The following SLC22A17 variants were observed in gnomAD, a reference collection of about 807,000 sequenced individuals.
SLC22A17 encodes 24p3 receptor.
SLC22A17 carries 38 observed loss-of-function variants against 53.6 expected under a neutral mutation model. The observed-to-expected ratio is 0.71, with a 90% CI of 0.55 to 0.93. The LOEUF (loss-of-function observed/expected upper bound fraction) is 0.93, where lower values mean the gene tolerates loss of function less well. Ranked by LOEUF, SLC22A17 falls within the 40% of genes least tolerant of loss-of-function variation. SLC22A17 has a pLI of 0.00. For synonymous variants in SLC22A17, 379 were observed against 353.0 expected, an observed-to-expected ratio of 1.07 and a Z score of -0.82; for missense variants, 704 against 791.0, an observed-to-expected ratio of 0.89 and a Z score of 1.32.
chr14:23,346,564 C>T (rs989467735), exon 10 of SLC22A17: 4 of 1,412,058 alleles, frequency 2.8e-6, no homozygotes, highest in Non-Finnish European at 3.7e-6. Flanking sequence ...TTCTGGGCAG[C>T]CCTGCCTTCC....
chr14:23,348,137 C>T lies in SLC22A17; in HGVS notation c.1171+24G>A. ...CATCATGTGTGCAAGTGAGGCAACACTCACAGGGATCCCTGTCTCTTACCC... is the reference window on the plus strand; with the variant it reads ...CATCATGTGTGCAAGTGAGGCAACATTCACAGGGATCCCTGTCTCTTACCC... On this transcript the variant is annotated intron_variant, in intron 6 of 9. Transcript: ENST00000397267. This position sits in a 1 kb window ranked among gnomAD's most constrained non-coding sequence, Gnocchi z 4.5. 6.2e-7 allele frequency: 1 copy of T among 1,613,516 alleles called. No homozygotes were observed. Among genetic ancestry groups the T allele is most frequent in the Non-Finnish European group, 8.5e-7 (1 of 1,179,756 alleles).
chr14:23,351,783 C>T (rs1475156845), exon 3 of SLC22A17: 4 of 1,613,654 alleles, frequency 2.5e-6, no homozygotes, highest in East Asian at 2.2e-5. Flanking sequence ...AACAGGTAGC[C>T]GGAGGCAAAG....
rs563336719 is a variant in SLC22A17 at position 23,348,323 on chromosome 14, A to G, written c.1026-17T>C. ...CCAGGCCAGCTGGGGGCAGGGGGGA[A>G]GGGGTATACTGTGAGGCCTCCCTTC... On this transcript the variant is annotated splice_polypyrimidine_tract_variant and intron_variant, in intron 5 of 9. Coordinates refer to ENST00000397267, the Ensembl canonical transcript of SLC22A17. The surrounding 1 kb of genome is among the most constrained non-coding windows in gnomAD (Gnocchi z 4.5). 2 of 1,613,406 alleles carry G rather than the reference A, an allele frequency of 1.2e-6. No homozygotes were observed. Among genetic ancestry groups the G allele is most frequent in the East Asian group, 2.2e-5 (1 of 44,870 alleles).
Position 23,347,634 on chromosome 14 carries a change from C to A in SLC22A17, c.1375G>T (p.Ala459Ser). 3 of 1,613,952 alleles carry A rather than the reference C, an allele frequency of 1.9e-6. No homozygotes were observed. The highest frequency in any genetic ancestry group is 1.7e-6 in the Non-Finnish European group (2 of 1,179,998). Residue 459 changes from alanine (A) to serine (S), a missense_variant, in exon 8 of 10, where the codon GCA becomes TCA. Physicochemically the swap from Ala to Ser is moderately conservative, Grantham distance 99. Transcript: ENST00000397267. This position sits in a 1 kb window ranked among gnomAD's most constrained non-coding sequence, Gnocchi z 5.1. ...CCCAGGAAGACACAGGCCAGGGCTGCGGTGCCGCTGGCCAGCAGAGAGCAC... is the reference window on the plus strand; with the variant it reads ...CCCAGGAAGACACAGGCCAGGGCTGAGGTGCCGCTGGCCAGCAGAGAGCAC...
At position 23,348,893 on chromosome 14, in the gene SLC22A17, G is replaced by C; in HGVS notation, c.860-222C>G. On this transcript the variant is annotated intron_variant, in intron 4 of 9. Transcript: ENST00000397267. The surrounding 1 kb of genome is among the most constrained non-coding windows in gnomAD (Gnocchi z 4.5). ...CAAACCTAGGAGGGCTCTAGGGCCAGAGTCCTGGGTGAGTGTTCAACATTT... is the reference window on the plus strand; with the variant it reads ...CAAACCTAGGAGGGCTCTAGGGCCACAGTCCTGGGTGAGTGTTCAACATTT... 1 of 605,414 alleles carries C rather than the reference G, an allele frequency of 1.7e-6. No individual in the cohort carries two copies. The highest frequency in any genetic ancestry group is 2.9e-6 in the Non-Finnish European group (1 of 345,182). The allele number at this position is 605,414 out of a possible 1,614,324, so 37.5% of individuals were successfully genotyped here. A position where few individuals can be genotyped will look rare whatever the true frequency, so the allele number is the denominator to read the frequency against.
Position 23,348,281 on chromosome 14 carries a change from C to T in SLC22A17, c.1051G>A (p.Ala351Thr), listed in dbSNP as rs138982413. The change falls in exon 6 of 10, where the codon GCA becomes ACA. Residue 351 changes from alanine to threonine, a missense_variant. Transcript: ENST00000397267. This position sits in a 1 kb window ranked among gnomAD's most constrained non-coding sequence, Gnocchi z 4.5. ...TGCCGCTTCACTATCAGCCACCGTGCGGACTCCAGGAACAAACCAGGCCAG... is the reference window on the plus strand; with the variant it reads ...TGCCGCTTCACTATCAGCCACCGTGTGGACTCCAGGAACAAACCAGGCCAG... 1.5e-5 allele frequency: 25 copies of T among 1,613,940 alleles called. No individual in the cohort carries two copies. The highest frequency in any genetic ancestry group is 2.7e-5 in the African/African-American group (2 of 74,910).
chr14:23,351,190 A>G (rs963703591), intron 3 of SLC22A17: 7 of 152,586 alleles, frequency 4.6e-5, no homozygotes, highest in African/African-American at 1.7e-4. Flanking sequence ...CTGCTAATCT[A>G]TGGGCTATTC....
chr14:23,352,825 CA>C lies in SLC22A17; in HGVS notation c.-85del, dbSNP rs1393901899. On this transcript the variant is annotated 5_prime_UTR_variant, in exon 1 of 10. Transcript: ENST00000397267. This position sits in a 1 kb window ranked among gnomAD's most constrained non-coding sequence, Gnocchi z 7.2. The stretch of plus-strand genomic sequence containing the variant: ...CAGTTGCGCGCCGGCTGCCCGGACA[CA>C]GACAGCTCGAAGAGATCCCGCTCTG... 2.5e-6 allele frequency: 1 copy of C among 398,280 alleles called. No homozygotes were observed. The highest frequency in any genetic ancestry group is 4.4e-6 in the Non-Finnish European group (1 of 225,630). 24.7% of individuals were successfully genotyped at this position (398,280 alleles called of 1,614,324 possible).
chr14:23,352,006 C>A lies in SLC22A17; in HGVS notation c.542G>T (p.Cys181Phe). Residue 181 changes from cysteine to phenylalanine, a missense_variant, in exon 2 of 10, where the codon TGC becomes TTC. Cys to Phe is a radical substitution (Grantham distance 205). Around this residue, in one of 4 missense-constraint regions of SLC22A17, gnomAD observed 435 missense variants for 529.0 expected, o/e 0.82. Transcript: ENST00000397267. The surrounding 1 kb of genome is among the most constrained non-coding windows in gnomAD (Gnocchi z 7.2). ...GCCATTATAGTCCCAATCCTTGAGG[C>A]AATGGTTGAAGTCCGGCGGGGCGAA... 3.1e-6 allele frequency: 5 copies of A among 1,612,332 alleles called. No individual in the cohort carries two copies. The highest frequency in any genetic ancestry group is 4.2e-6 in the Non-Finnish European group (5 of 1,179,170).
In SLC22A17 at chr14:23,348,958, C is replaced by T. The variant is rs1368203779; in HGVS notation, c.860-287G>A. ...CTTTCCCATCAGGCCTCTTATTTGA[C>T]CTTCACATCAACCCTTGTCCAAGGT... On this transcript the variant is annotated intron_variant, in intron 4 of 9. Transcript: ENST00000397267. The surrounding 1 kb of genome is among the most constrained non-coding windows in gnomAD (Gnocchi z 4.5). 3 of 590,234 alleles carry T rather than the reference C, an allele frequency of 5.1e-6. No individual in the cohort carries two copies. The highest frequency in any genetic ancestry group is 9.0e-6 in the Non-Finnish European group (3 of 332,522). The allele number at this position is 590,234 out of a possible 1,614,324, so 36.6% of individuals were successfully genotyped here. A position where few individuals can be genotyped will look rare whatever the true frequency, so the allele number is the denominator to read the frequency against.
exon 10 of SLC22A17, chr14:23,346,922 C>A: frequency 6.5e-7 from 1 of 1,535,766 alleles, no homozygotes; most frequent in South Asian, 1.2e-5. Context: ...CATGATCAGG[C>A]CCAGGCCACG....
rs1241798906 is a variant in SLC22A17, at chr14:23,352,459, G to A, written c.97-8C>T. ...TCCGAGGGTCCCGACCTGCTGTTGG[G>A]GGGCAGGGGGTGGCAGGAGAAGGGT... On this transcript the variant is annotated splice_polypyrimidine_tract_variant and splice_region_variant and intron_variant, in intron 1 of 9. Coordinates refer to ENST00000397267, the Ensembl canonical transcript of SLC22A17. This position sits in a 1 kb window ranked among gnomAD's most constrained non-coding sequence, Gnocchi z 7.2. The A allele has an allele frequency of 4.9e-5, 22 of 445,438 alleles. No individual in the cohort carries two copies. The East Asian group carries it at 7.1e-4, about 14-fold the overall frequency. The allele number at this position is 445,438 out of a possible 1,614,324, so 27.6% of individuals were successfully genotyped here.
chr14:23,346,683 C>G (rs755060772), exon 10 of SLC22A17: 1 of 1,525,036 alleles, frequency 6.6e-7, no homozygotes, highest in Non-Finnish European at 8.8e-7. Context: ...AGCAGCGGGA[C>G]GTGGTCACAG....
rs2138514898 is a variant in SLC22A17 at position 23,348,881 on chromosome 14, G to A, written c.860-210C>T. The stretch of plus-strand genomic sequence containing the variant: ...TCCTCTCCTGCTCAAACCTAGGAGG[G>A]CTCTAGGGCCAGAGTCCTGGGTGAG... On this transcript the variant is annotated intron_variant, in intron 4 of 9. Transcript: ENST00000397267. This position sits in a 1 kb window ranked among gnomAD's most constrained non-coding sequence, Gnocchi z 4.5. 1.6e-6 allele frequency: 1 copy of A among 613,168 alleles called. No individual in the cohort carries two copies. The allele number at this position is 613,168 out of a possible 1,614,324, so 38.0% of individuals were successfully genotyped here.
chr14:23,346,910 G>A lies in SLC22A17; in HGVS notation c.1688C>T (p.Ala563Val). The A allele has an allele frequency of 2.6e-6, 4 of 1,538,882 alleles. 1 individual carries two copies. The South Asian group carries it at 3.6e-5, about 14-fold the overall frequency. The stretch of plus-strand genomic sequence containing the variant: ...GCTCAGTCCTCCAAGCGCCCCTAGA[G>A]CCATGATCAGGCCCAGGCCACGGCC... The change falls in exon 10 of 10, where the codon GCT becomes GTT. Residue 563 changes from alanine (A) to valine (V), a missense_variant. Around this residue, in one of 4 missense-constraint regions of SLC22A17, gnomAD observed 196 missense variants for 171.5 expected, o/e 1.14. Transcript: ENST00000397267.
Position 23,347,325 on chromosome 14 carries a change from G to A in SLC22A17, c.1550-113C>T, listed in dbSNP as rs1889281646. 4.7e-6 allele frequency: 7 copies of A among 1,473,886 alleles called. No individual in the cohort carries two copies. The East Asian group carries it at 1.7e-4, about 36-fold the overall frequency. 91.3% of individuals were successfully genotyped at this position (1,473,886 alleles called of 1,614,324 possible). On this transcript the variant is annotated intron_variant, in intron 8 of 9. Transcript: ENST00000397267. The surrounding 1 kb of genome is among the most constrained non-coding windows in gnomAD (Gnocchi z 5.1). Reference sequence around the variant, plus strand: ...CCATGGCTCTAGCTGGGCAGGCTCTGGGCATTCAGTAATTGACTGGGAGAG... The same window carrying A: ...CCATGGCTCTAGCTGGGCAGGCTCTAGGCATTCAGTAATTGACTGGGAGAG...
In SLC22A17 at chr14:23,348,558, G is replaced by A. The variant is rs1595008631; in HGVS notation, c.973C>T (p.Arg325Ter). 3.7e-6 allele frequency: 6 copies of A among 1,614,032 alleles called. No individual in the cohort carries two copies. Among genetic ancestry groups the A allele is most frequent in the Non-Finnish European group, 4.2e-6 (5 of 1,179,982 alleles). ...GCGGTGATCATTCGCTGTAGGAATC[G>A]CCAATCCTTAGAGACAAGGGCCAGG... Residue 325 changes from arginine to a stop codon, truncating the protein, a stop_gained, in exon 5 of 10, where the codon CGA (arginine) becomes TGA (stop). Coordinates refer to ENST00000397267, the Ensembl canonical transcript of SLC22A17. LOFTEE classifies it high-confidence loss of function. The surrounding 1 kb of genome is among the most constrained non-coding windows in gnomAD (Gnocchi z 4.5).
chr14:23,347,412 T>C lies in SLC22A17; in HGVS notation c.1549+48A>G. 1 of 1,592,544 alleles carries C rather than the reference T, an allele frequency of 6.3e-7. No homozygotes were observed. Among genetic ancestry groups the C allele is most frequent in the Non-Finnish European group, 8.6e-7 (1 of 1,168,918 alleles). On this transcript the variant is annotated intron_variant, in intron 8 of 9. Coordinates refer to ENST00000397267, the Ensembl canonical transcript of SLC22A17. This position sits in a 1 kb window ranked among gnomAD's most constrained non-coding sequence, Gnocchi z 5.1. ...AGAGCTGGGCAGGGTCTGGGGCTTG[T>C]CTTGGGAGGCCTGTGCCAGAAGAAA...
rs1236839440 is a variant in SLC22A17 at position 23,348,416 on chromosome 14, T to C, written c.1025+90A>G. On this transcript the variant is annotated intron_variant, in intron 5 of 9. Transcript: ENST00000397267. This position sits in a 1 kb window ranked among gnomAD's most constrained non-coding sequence, Gnocchi z 4.5. ...GGCTGGGGTAGGCCTGGACCAGGGG[T>C]AGTTGGAGAAGAGGAGGGGTCTCCG... 1.9e-6 allele frequency: 3 copies of C among 1,578,634 alleles called. No individual in the cohort carries two copies. The highest frequency in any genetic ancestry group is 1.4e-5 in the African/African-American group (1 of 73,882).
Sources: allele counts gnomAD v4.1 joint callset, GRCh38; gene constraint gnomAD v4.1.1; regional missense constraint gnomAD v4.1.1; non-coding constraint Gnocchi (gnomAD v3.1); transcripts MANE v1.5; gene names NCBI Gene and HGNC (gene_info 2026-07-23, HGNC 2026-07-21).